TNR: variants seen among roughly 807,000 people sequenced by gnomAD.
TNR encodes tenascin R, also known as tenascin-R.
TNR carries 45 observed loss-of-function variants against 150.4 expected under a neutral mutation model. The ratio of observed to expected loss-of-function variants is 0.30; its 90% CI spans 0.24 to 0.38. TNR has a LOEUF of 0.38. Ranked by LOEUF, TNR falls within the 10% of genes least tolerant of loss-of-function variation. The pLI is 1.00. For missense variants in TNR, 1,544 were observed against 1,759.1 expected, an observed-to-expected ratio of 0.88 and a Z score of 2.19; for synonymous variants, 687 against 678.4, an observed-to-expected ratio of 1.01 and a Z score of -0.20.
At chr1:175,674,159 A>G (rs888169710) in intron 1 of TNR, among the ~76,000 whole-genome samples, 3 of 152,198 alleles carry the variant, frequency 2.0e-5, no homozygotes, top group Non-Finnish European at 4.4e-5. Flanking sequence ...CAGCTTGACC[A>G]GGGAGGAGAT....
intron 1 of TNR, among the ~76,000 whole-genome samples, chr1:175,695,480 A>G (rs1290979456): frequency 3.3e-5 from 5 of 152,242 alleles, no homozygotes; most frequent in African/African-American, 9.6e-5. Context: ...TTAAGGTGCT[A>G]AATTCTAGGG....
chr1:175,697,803 C>T (rs753354139), intron 1 of TNR, among the ~76,000 whole-genome samples: 29 of 152,318 alleles, frequency 1.9e-4, no homozygotes, highest in Middle Eastern at 3.4e-3. Flanking sequence ...CATGTCAGGC[C>T]TCATGCAAGC....
intron 1 of TNR, among the ~76,000 whole-genome samples, chr1:175,741,331 T>C (rs1255815596): frequency 1.3e-5 from 2 of 152,334 alleles, no homozygotes; most frequent in East Asian, 3.9e-4. Context: ...TGAGCACTTT[T>C]TTTTCAGAGA....
At chr1:175,601,628 T>C (rs1444241567) in intron 1 of TNR, among the ~76,000 whole-genome samples, 1 of 152,204 alleles carries the variant, frequency 6.6e-6, no homozygotes, top group Non-Finnish European at 1.5e-5. Context: ...AAACGCTATA[T>C]ACAGTCAAGA....
intron 7 of TNR, among the ~76,000 whole-genome samples, chr1:175,391,049 A>G (rs1653143346): frequency 6.6e-6 from 1 of 152,216 alleles, no homozygotes; most frequent in Admixed American, 6.5e-5. Flanking sequence ...TGGAAATATT[A>G]AAAAAGAATT....
chr1:175,590,817 G>A (rs996947982), intron 1 of TNR, among the ~76,000 whole-genome samples: 2 of 152,252 alleles, frequency 1.3e-5, no homozygotes, highest in Admixed American at 1.3e-4. Flanking sequence ...GTAGTCAGGT[G>A]CCAGGGGCTG....
At chr1:175,610,125 A>T (rs1390958051) in intron 1 of TNR, among the ~76,000 whole-genome samples, 1 of 152,232 alleles carries the variant, frequency 6.6e-6, no homozygotes, top group East Asian at 1.9e-4. Context: ...ATCTCAGAAC[A>T]AATCTTCCCT....
chr1:175,355,673 C>G, intron 16 of TNR, 40 bp from the exon 17 acceptor site: 1 of 1,610,528 alleles, frequency 6.2e-7, no homozygotes, highest in Non-Finnish European at 8.5e-7. Flanking sequence ...CCTGCCTCTC[C>G]AGCTCCTCCC....
At chr1:175,347,863 T>C (rs61806380) in intron 18 of TNR, among the ~76,000 whole-genome samples, 21,020 of 152,152 alleles carry the variant, frequency 0.14, 1,579 homozygotes, top group Non-Finnish European at 0.15. Flanking sequence ...TCAATGTACC[T>C]AATATTACTG....
intron 2 of TNR, among the ~76,000 whole-genome samples, chr1:175,445,143 ACC>A (rs1391562352): frequency 6.6e-6 from 1 of 152,090 alleles, no homozygotes; most frequent in Non-Finnish European, 1.5e-5. Context: ...GGTGGCAGGC[ACC>A]TGTAGTCCCA....
intron 2 of TNR, among the ~76,000 whole-genome samples, chr1:175,510,911 A>G (rs545151733): frequency 1.3e-5 from 2 of 152,344 alleles, no homozygotes; most frequent in East Asian, 3.9e-4. Flanking sequence ...TTCAGAATTT[A>G]TATAGAAGTC....
intron 2 of TNR, among the ~76,000 whole-genome samples, chr1:175,422,632 C>T (rs1256064667): frequency 6.6e-6 from 1 of 152,222 alleles, no homozygotes; most frequent in Non-Finnish European, 1.5e-5. Context: ...CAGCCTCTCT[C>T]ACTGATAGCT....
chr1:175,501,638 C>T (rs145208966), intron 2 of TNR, among the ~76,000 whole-genome samples: 50 of 152,322 alleles, frequency 3.3e-4, no homozygotes, highest in African/African-American at 1.0e-3. Flanking sequence ...AAGACAAATA[C>T]GGCCAGCTAA....
At chr1:175,719,687 A>G (rs1262537097) in intron 1 of TNR, among the ~76,000 whole-genome samples, 1 of 152,198 alleles carries the variant, frequency 6.6e-6, no homozygotes, top group African/African-American at 2.4e-5. Flanking sequence ...GCCAAGCCCA[A>G]GTGTCCCTGA....
At chr1:175,542,438 A>T (rs1036904265) in intron 1 of TNR, among the ~76,000 whole-genome samples, 10 of 152,184 alleles carry the variant, frequency 6.6e-5, no homozygotes, top group African/African-American at 2.4e-4. Flanking sequence ...AATCTGAGTG[A>T]CTGGCATACA....
chr1:175,739,438 G>A (rs982542539), intron 1 of TNR, among the ~76,000 whole-genome samples: 2 of 152,072 alleles, frequency 1.3e-5, no homozygotes, highest in Non-Finnish European at 2.9e-5. Context: ...GACAGGCAAG[G>A]TGTCCAAACT....
chr1:175,655,062 C>A (rs149373098), intron 1 of TNR, among the ~76,000 whole-genome samples: 51 of 152,244 alleles, frequency 3.3e-4, no homozygotes, highest in African/African-American at 1.1e-3. Flanking sequence ...TCTCTTCCTC[C>A]TTTGACTCCC....
chr1:175,516,082 G>T (rs1451969278), intron 2 of TNR, among the ~76,000 whole-genome samples: 1 of 152,058 alleles, frequency 6.6e-6, no homozygotes. Context: ...CTTGGCTCTT[G>T]GTTTTTTATT....
At chr1:175,718,862 G>A (rs1332396738) in intron 1 of TNR, among the ~76,000 whole-genome samples, 5 of 152,186 alleles carry the variant, frequency 3.3e-5, no homozygotes, top group Non-Finnish European at 5.9e-5. Context: ...TCTCCAGCAT[G>A]CAGACATACA....
Sources: allele counts gnomAD v4.1 joint callset (sites outside exome capture counted in the v4.1 genomes callset), GRCh38; gene constraint gnomAD v4.1.1; transcripts MANE v1.5; gene names NCBI Gene and HGNC (gene_info 2026-07-23, HGNC 2026-07-21).